The following ELMO1 variants were observed in gnomAD, a reference collection of about 807,000 sequenced individuals.
The protein encoded by ELMO1 is engulfment and cell motility protein 1.
In ELMO1, 26 loss-of-function variants were observed where a neutral mutation model predicts 98.9. The observed-to-expected ratio is 0.26, with a 90% CI of 0.19 to 0.36. The LOEUF (loss-of-function observed/expected upper bound fraction) is 0.36, where lower values mean the gene tolerates loss of function less well. Ranked by LOEUF, ELMO1 falls within the 10% of genes least tolerant of loss-of-function variation. ELMO1 has a pLI of 1.00. For missense variants in ELMO1, 627 were observed against 935.2 expected (o/e 0.67, Z 4.30); for synonymous variants, 346 against 346.0 (o/e 1.00, Z 0.00).
At chr7:37,145,514 G>A (rs1484934001) in intron 13 of ELMO1, among the ~76,000 whole-genome samples, 4 of 152,190 alleles carry the variant, frequency 2.6e-5, no homozygotes, top group African/African-American at 7.2e-5. Context: ...TAGCACCTCC[G>A]CAGGGAAGTA....
intron 16 of ELMO1, among the ~76,000 whole-genome samples, chr7:36,905,886 T>G (rs1783922745): frequency 6.6e-6 from 1 of 152,174 alleles, no homozygotes; most frequent in South Asian, 2.1e-4. Context: ...AAGAAATAAA[T>G]GAAAAGTCCA....
intron 1 of ELMO1, among the ~76,000 whole-genome samples, chr7:37,440,200 T>G (rs1263618400): frequency 6.6e-6 from 1 of 152,046 alleles, no homozygotes; most frequent in African/African-American, 2.4e-5. Flanking sequence ...TCACAACACT[T>G]TGGGAGGCCA....
At chr7:37,434,614 C>G (rs1805069332) in intron 1 of ELMO1, among the ~76,000 whole-genome samples, 1 of 152,180 alleles carries the variant, frequency 6.6e-6, no homozygotes. Context: ...TCACGTCACT[C>G]CCTTGGGTAA....
chr7:37,149,469 A>G (rs1788217567), intron 13 of ELMO1, among the ~76,000 whole-genome samples: 1 of 151,880 alleles, frequency 6.6e-6, no homozygotes, highest in African/African-American at 2.4e-5. Context: ...TTTTTCTTTT[A>G]CATTTTTAAA....
chr7:37,305,565 C>T (rs527864041), intron 4 of ELMO1, among the ~76,000 whole-genome samples: 64 of 152,300 alleles, frequency 4.2e-4, no homozygotes, highest in African/African-American at 1.5e-3. Context: ...CTAAGAGGAA[C>T]ATTAAGATTC....
chr7:37,163,797 T>C (rs1280100124), intron 13 of ELMO1, among the ~76,000 whole-genome samples: 1 of 152,086 alleles, frequency 6.6e-6, no homozygotes, highest in Non-Finnish European at 1.5e-5. Context: ...GCAATAAACA[T>C]ACGTGTGCAT....
chr7:37,422,520 T>C (rs1804515482), intron 1 of ELMO1, among the ~76,000 whole-genome samples: 1 of 152,224 alleles, frequency 6.6e-6, no homozygotes, highest in African/African-American at 2.4e-5. Flanking sequence ...ATTCAGCTAT[T>C]CGCAGGAATA....
chr7:36,900,588 A>G (rs1806422969), intron 16 of ELMO1, among the ~76,000 whole-genome samples: 1 of 152,200 alleles, frequency 6.6e-6, no homozygotes, highest in South Asian at 2.1e-4. Context: ...GCTTGCTTCC[A>G]GGGCAGAGTT....
At position 36,887,573 on chromosome 7, in the gene ELMO1, G is replaced by C. The variant is rs765989146; in HGVS notation, c.1701C>G (p.Ala567=). The change falls in exon 18 of 22, where the codon GCC becomes GCG. Residue 567 remains alanine (A), a synonymous_variant. Coordinates refer to ENST00000310758, the MANE Select transcript of ELMO1 (RefSeq NM_014800.11). The part of the protein sequence containing the change: ...VEGTCFRKLN[A]RRRQDKFWYC... Reference sequence around the variant, plus strand: ...CAGAAACAATACCTTGCCTCCGCCGGGCATTGAGTTTCCTAAAGCAGGTCC... The same window carrying C: ...CAGAAACAATACCTTGCCTCCGCCGCGCATTGAGTTTCCTAAAGCAGGTCC... 6.2e-7 allele frequency: 1 copy of C among 1,614,026 alleles called. No homozygotes were observed. Among genetic ancestry groups the C allele is most frequent in the Admixed American group, 1.7e-5 (1 of 60,014 alleles).
intron 14 of ELMO1, among the ~76,000 whole-genome samples, chr7:37,115,814 G>A (rs1285738863): frequency 1.3e-5 from 2 of 151,484 alleles, no homozygotes; most frequent in African/African-American, 4.8e-5. Flanking sequence ...TTGTTCACAG[G>A]GGACATGATT....
chr7:37,046,935 T>C (rs955194689), intron 15 of ELMO1, among the ~76,000 whole-genome samples: 6 of 152,260 alleles, frequency 3.9e-5, no homozygotes, highest in African/African-American at 1.4e-4. Flanking sequence ...ACTCACTATG[T>C]GCTTGCTAAT....
At chr7:37,308,854 C>G (rs73690554) in intron 4 of ELMO1, among the ~76,000 whole-genome samples, 5,151 of 152,190 alleles carry the variant, frequency 0.034, 286 homozygotes, top group African/African-American at 0.12. Flanking sequence ...TGGGCATCCA[C>G]GCAACATCCA....
At chr7:36,926,466 C>G (rs532360142) in intron 16 of ELMO1, among the ~76,000 whole-genome samples, 1 of 152,150 alleles carries the variant, frequency 6.6e-6, no homozygotes, top group African/African-American at 2.4e-5. Context: ...GTTCTTTGTG[C>G]GACCCCCCTA....
At chr7:37,390,321 C>T (rs1022602404) in intron 1 of ELMO1, among the ~76,000 whole-genome samples, 2 of 152,232 alleles carry the variant, frequency 1.3e-5, no homozygotes, top group Admixed American at 1.3e-4. Context: ...TCACATGAAG[C>T]CCGCACTCAC....
intron 13 of ELMO1, among the ~76,000 whole-genome samples, chr7:37,185,234 C>T (rs1325773638): frequency 6.6e-6 from 1 of 152,194 alleles, no homozygotes; most frequent in East Asian, 1.9e-4. Flanking sequence ...TTAGAAACTG[C>T]TTCTATGCTT....
At chr7:36,875,890 G>A (rs1180895471) in intron 19 of ELMO1, among the ~76,000 whole-genome samples, 1 of 152,158 alleles carries the variant, frequency 6.6e-6, no homozygotes, top group Non-Finnish European at 1.5e-5. Flanking sequence ...AAACCTGTCG[G>A]TCAAGTGCCT....
chr7:37,314,862 A>G lies in ELMO1; in HGVS notation c.180T>C (p.Tyr60=). The part of the protein sequence containing the change: ...ALQHADSSNF[Y]ITEKNRNEIK... ...GTAGTTGACCTACCTTTTCTGTGAT[A>G]TAGAAGTTTGAACTATCGGCATGCT... is the stretch of plus-strand genomic sequence containing the variant. Residue 60 remains tyrosine, a synonymous_variant, in exon 4 of 22, where the codon TAT becomes TAC. Coordinates refer to ENST00000310758, the MANE Select transcript of ELMO1 (RefSeq NM_014800.11). 1 of 1,613,532 alleles carries G rather than the reference A, an allele frequency of 6.2e-7. No individual in the cohort carries two copies. Among genetic ancestry groups the G allele is most frequent in the Non-Finnish European group, 8.5e-7 (1 of 1,179,798 alleles).
At chr7:37,163,337 C>CTTTT (rs916709754) in intron 13 of ELMO1, among the ~76,000 whole-genome samples, 2 of 7,044 alleles carry the variant, frequency 2.8e-4, no homozygotes, top group African/African-American at 3.3e-4. Context: ...AGCCAGTGTT[C>CTTTT]TTTTTTTTTT....
chr7:37,350,686 T>G lies in ELMO1; in HGVS notation c.-73-7923A>C, dbSNP rs76739905. On this transcript the variant is annotated intron_variant, in intron 1 of 21. Coordinates refer to ENST00000310758, the MANE Select transcript of ELMO1 (RefSeq NM_014800.11). The stretch of plus-strand genomic sequence containing the variant: ...GGTGAATTGTGTCCCCCTCAAAATT[T>G]GTATGTTCAAATCCTAACCCCCAGT... Among the ~76,000 whole-genome samples, 165 of 152,322 alleles carry G rather than the reference T, an allele frequency of 1.1e-3. 6 individuals are homozygous for G. In the East Asian group the frequency reaches 0.029, roughly 27 times the overall value.
Sources: allele counts gnomAD v4.1 joint callset (sites outside exome capture counted in the v4.1 genomes callset), GRCh38; gene constraint gnomAD v4.1.1; transcripts MANE v1.5; gene names NCBI Gene and HGNC (gene_info 2026-07-23, HGNC 2026-07-21).